Variants in NALF1 observed in about 807,000 individuals in gnomAD.
NALF1 encodes the protein family with sequence similarity 155 member A.
In NALF1, 3 loss-of-function variants were observed where a neutral mutation model predicts 48.4. That is an observed-to-expected ratio of 0.06 (90% CI 0.03 to 0.16). The LOEUF is 0.16. NALF1 is among the 10% of genes least tolerant of loss of function. The pLI is 1.00. For missense variants in NALF1, 526 were observed against 571.5 expected (o/e 0.92, Z 0.81); for synonymous variants, 262 against 245.7 (o/e 1.07, Z -0.62).
chr13:107,818,854 A>T (rs1458344700), intron 1 of NALF1, among the ~76,000 whole-genome samples: 1 of 104,514 alleles, frequency 9.6e-6, no homozygotes, highest in Non-Finnish European at 1.7e-5. Flanking sequence ...CCTGGGCGAC[A>T]GAGCGAGACT....
At chr13:107,624,647 G>A (rs897577627) in intron 1 of NALF1, among the ~76,000 whole-genome samples, 2 of 152,098 alleles carry the variant, frequency 1.3e-5, no homozygotes, top group African/African-American at 4.8e-5. Flanking sequence ...TCAAATTTTT[G>A]CTGTGAAACT....
intron 1 of NALF1, among the ~76,000 whole-genome samples, chr13:107,608,708 C>T (rs1879140613): frequency 6.6e-6 from 1 of 152,184 alleles, no homozygotes; most frequent in Non-Finnish European, 1.5e-5. Flanking sequence ...AGAGAAAAAA[C>T]ATATGATTGT....
chr13:107,838,204 A>C (rs552717502), intron 1 of NALF1, among the ~76,000 whole-genome samples: 2 of 152,116 alleles, frequency 1.3e-5, no homozygotes, highest in South Asian at 4.2e-4. Flanking sequence ...ACAAACAAAC[A>C]AACAAAAAGC....
intron 1 of NALF1, among the ~76,000 whole-genome samples, chr13:107,726,742 T>G (rs775618975): frequency 1.3e-5 from 2 of 151,112 alleles, no homozygotes; most frequent in Admixed American, 6.6e-5. Context: ...ATTGAGTAGC[T>G]AGGACTACAA....
chr13:107,542,262 T>C (rs901828218), intron 1 of NALF1, among the ~76,000 whole-genome samples: 1 of 152,116 alleles, frequency 6.6e-6, no homozygotes, highest in Non-Finnish European at 1.5e-5. Context: ...TCCATTTATA[T>C]GAAATATTCC....
At chr13:107,703,589 G>A (rs183298247) in intron 1 of NALF1, among the ~76,000 whole-genome samples, 33 of 152,096 alleles carry the variant, frequency 2.2e-4, no homozygotes, top group South Asian at 4.2e-4. Flanking sequence ...TCCTGAACTC[G>A]TGATCCGCCC....
intron 1 of NALF1, among the ~76,000 whole-genome samples, chr13:107,359,923 T>C (rs780375897): frequency 2.0e-5 from 3 of 152,176 alleles, no homozygotes; most frequent in Non-Finnish European, 2.9e-5. Flanking sequence ...ACTGTCATGA[T>C]AAAACTTGCA....
chr13:107,515,353 T>G (rs1255829174), intron 1 of NALF1, among the ~76,000 whole-genome samples: 1 of 152,186 alleles, frequency 6.6e-6, no homozygotes, highest in East Asian at 1.9e-4. Context: ...TGATAGTATG[T>G]TGAGTATTAA....
intron 1 of NALF1, among the ~76,000 whole-genome samples, chr13:107,487,167 C>T (rs2139065907): frequency 6.6e-6 from 1 of 152,206 alleles, no homozygotes; most frequent in Middle Eastern, 3.4e-3. Flanking sequence ...GACATGTTTG[C>T]CACAACACAT....
chr13:107,743,215 T>G (rs1187631827), intron 1 of NALF1, among the ~76,000 whole-genome samples: 1 of 152,216 alleles, frequency 6.6e-6, no homozygotes, highest in East Asian at 1.9e-4. Flanking sequence ...TTCAGAGCAT[T>G]AACTTGCCCC....
chr13:107,835,238 C>T (rs1394226477), intron 1 of NALF1, among the ~76,000 whole-genome samples: 1 of 152,196 alleles, frequency 6.6e-6, no homozygotes, highest in Admixed American at 6.5e-5. Context: ...ACTGGAACAA[C>T]AGATTTTTCC....
At chr13:107,213,243 A>AAAAAG (rs1313130796) in intron 1 of NALF1, among the ~76,000 whole-genome samples, 1 of 150,714 alleles carries the variant, frequency 6.6e-6, no homozygotes, top group African/African-American at 2.4e-5. Flanking sequence ...AAAAAAAAAA[A>AAAAAG]AAAAAAAGAA....
At chr13:107,248,412 T>C (rs1223400880) in intron 1 of NALF1, among the ~76,000 whole-genome samples, 4 of 151,990 alleles carry the variant, frequency 2.6e-5, no homozygotes. Flanking sequence ...GGCTTACTGT[T>C]GGTATTGTAA....
chr13:107,223,389 A>G (rs1245702510), intron 1 of NALF1, among the ~76,000 whole-genome samples: 1 of 152,220 alleles, frequency 6.6e-6, no homozygotes, highest in African/African-American at 2.4e-5. Context: ...GGACAGCAGA[A>G]AAAGGAAACA....
intron 1 of NALF1, among the ~76,000 whole-genome samples, chr13:107,673,223 T>C (rs979449713): frequency 6.6e-6 from 1 of 152,174 alleles, no homozygotes; most frequent in Admixed American, 6.6e-5. Context: ...TCTCCTCTGC[T>C]GTTAAAGGAT....
At chr13:107,591,499 T>C (rs1459594559) in intron 1 of NALF1, among the ~76,000 whole-genome samples, 1 of 152,058 alleles carries the variant, frequency 6.6e-6, no homozygotes, top group Non-Finnish European at 1.5e-5. Context: ...AAATGCCAGA[T>C]GCAACATAAG....
chr13:107,695,955 T>G (rs184334457), intron 1 of NALF1, among the ~76,000 whole-genome samples: 1 of 150,784 alleles, frequency 6.6e-6, no homozygotes, highest in Non-Finnish European at 1.5e-5. Flanking sequence ...GGGGTGCAAC[T>G]GCACAACCTT....
rs1878670325 is a variant in NALF1 at position 107,166,816 on chromosome 13, CT to C, written c.*3680del. 1.3e-5 allele frequency: 2 copies of C among 151,054 alleles called. No homozygotes were observed. Among genetic ancestry groups the C allele is most frequent in the African/African-American group, 4.9e-5 (2 of 41,156 alleles). 9.4% of individuals were successfully genotyped at this position (151,054 alleles called of 1,614,324 possible). On this transcript the variant is annotated 3_prime_UTR_variant, in exon 3 of 3. Transcript: ENST00000375915. Reference sequence around the variant, plus strand: ...CTTTCCTTCCTTCTTTCCTGTCATTCTTTTGTTTCTGCTATCTGCCTATTTT... The same window carrying C: ...CTTTCCTTCCTTCTTTCCTGTCATTCTTTGTTTCTGCTATCTGCCTATTTT...
chr13:107,385,799 T>C (rs1883521302), intron 1 of NALF1, among the ~76,000 whole-genome samples: 1 of 152,212 alleles, frequency 6.6e-6, no homozygotes, highest in South Asian at 2.1e-4. Context: ...TTTTGTCCCA[T>C]TTATAGAAAG....
Sources: allele counts gnomAD v4.1 joint callset (sites outside exome capture counted in the v4.1 genomes callset), GRCh38; gene constraint gnomAD v4.1.1; transcripts MANE v1.5; gene names NCBI Gene and HGNC (gene_info 2026-07-23, HGNC 2026-07-21).